Variants in IFT88 observed in about 807,000 individuals in gnomAD.
IFT88 encodes intraflagellar transport 88.
In IFT88, 74 loss-of-function variants were observed where a neutral mutation model predicts 119.5. The ratio of observed to expected loss-of-function variants is 0.62; its 90% CI spans 0.51 to 0.75. The LOEUF (loss-of-function observed/expected upper bound fraction) is 0.75, where lower values mean the gene tolerates loss of function less well. Among genes scored for constraint, IFT88 ranks in the 30% least tolerant of loss-of-function variants. The probability of loss-of-function intolerance (pLI) is 0.00; values close to 1 mark genes in which losing one functional copy is unlikely to be tolerated. For synonymous variants in IFT88, 279 were observed against 316.7 expected (o/e 0.88, Z 1.26); for missense variants, 961 against 977.7 (o/e 0.98, Z 0.23).
chr13:20,568,911 G>A (rs1386732927), intron 1 of IFT88, among the ~76,000 whole-genome samples: 3 of 151,836 alleles, frequency 2.0e-5, no homozygotes, highest in Non-Finnish European at 4.4e-5. Context: ...TAGTAGAGAC[G>A]GGGTTTCACC....
At chr13:20,607,697 C>T (rs1286619850) in intron 13 of IFT88, 14 of 797,734 alleles carry the variant, frequency 1.8e-5, no homozygotes, top group Non-Finnish European at 3.2e-5. Flanking sequence ...GACTACGTCT[C>T]ACAGTGGCCC....
intron 15 of IFT88, among the ~76,000 whole-genome samples, chr13:20,628,522 GTT>G (rs1311004830): frequency 1.3e-5 from 2 of 152,002 alleles, no homozygotes; most frequent in Admixed American, 1.3e-4. Context: ...ACTTTTATCA[GTT>G]CCATTTATAA....
intron 22 of IFT88, 47 bp downstream of exon 22, chr13:20,656,477 T>G: frequency 1.1e-6 from 1 of 870,646 alleles, no homozygotes; most frequent in Non-Finnish European, 1.8e-6. Context: ...AGTTCTCATA[T>G]TTTATGTTCT....
intron 19 of IFT88, among the ~76,000 whole-genome samples, chr13:20,644,366 T>C (rs2050419170): frequency 6.6e-6 from 1 of 152,086 alleles, no homozygotes; most frequent in Non-Finnish European, 1.5e-5. Context: ...CAAATGTGGT[T>C]GTGGCATGCC....
chr13:20,568,841 C>T (rs1456701656), intron 1 of IFT88, among the ~76,000 whole-genome samples: 1 of 152,128 alleles, frequency 6.6e-6, no homozygotes, highest in Non-Finnish European at 1.5e-5. Flanking sequence ...CTGCCTCAGC[C>T]TCCCGAGTAG....
At chr13:20,578,757 T>A (rs2037971848) in intron 2 of IFT88, among the ~76,000 whole-genome samples, 1 of 152,058 alleles carries the variant, frequency 6.6e-6, no homozygotes, top group South Asian at 2.1e-4. Flanking sequence ...CCATGTTGGT[T>A]CGGCTGGTCT....
chr13:20,571,954 ACT>A (rs1237851678), intron 1 of IFT88, among the ~76,000 whole-genome samples: 1 of 151,958 alleles, frequency 6.6e-6, no homozygotes, highest in African/African-American at 2.4e-5. Context: ...CAGCTTCTTG[ACT>A]CTGTTTTAGT....
chr13:20,674,265 G>A (rs1442234491), intron 24 of IFT88, among the ~76,000 whole-genome samples: 1 of 152,128 alleles, frequency 6.6e-6, no homozygotes, highest in Admixed American at 6.6e-5. Flanking sequence ...TATATTCTCT[G>A]CAGATAAACT....
chr13:20,570,928 CAT>C (rs2036229680), intron 1 of IFT88, among the ~76,000 whole-genome samples: 1 of 151,998 alleles, frequency 6.6e-6, no homozygotes, highest in Non-Finnish European at 1.5e-5. Flanking sequence ...TGAGAAGCCA[CAT>C]ATATGTGGTA....
rs1172455518 is a variant in IFT88 at position 20,599,510 on chromosome 13, A to G, written c.757A>G (p.Ile253Val). Residue 253 changes from isoleucine (I) to valine (V), a missense_variant, in exon 11 of 26, where the codon ATT (isoleucine) becomes GTT (valine). By Grantham distance (29) the Ile-to-Val change is conservative. Coordinates refer to ENST00000351808, the MANE Select transcript of IFT88 (RefSeq NM_006531.5). Reference protein sequence around the residue: ...YLKQRNYSKAIKFYRMALDQV... With the variant: ...YLKQRNYSKAVKFYRMALDQV... Reference sequence around the variant, plus strand: ...AAAGCAAAGAAATTATTCCAAAGCCATTAAATTCTACCGAATGGCATTAGA... The same window carrying G: ...AAAGCAAAGAAATTATTCCAAAGCCGTTAAATTCTACCGAATGGCATTAGA... 7.0e-6 allele frequency: 11 copies of G among 1,561,998 alleles called. No individual in the cohort carries two copies. Among genetic ancestry groups the G allele is most frequent in the African/African-American group, 1.4e-5 (1 of 73,676 alleles).
At chr13:20,673,148 A>G (rs968818375) in intron 24 of IFT88, among the ~76,000 whole-genome samples, 1 of 152,166 alleles carries the variant, frequency 6.6e-6, no homozygotes, top group African/African-American at 2.4e-5. Flanking sequence ...AGGATTCTGC[A>G]TTTCTCTCTG....
chr13:20,675,445 G>A (rs2056542503), intron 24 of IFT88, among the ~76,000 whole-genome samples: 1 of 152,174 alleles, frequency 6.6e-6, no homozygotes, highest in African/African-American at 2.4e-5. Context: ...TTAGAAGATA[G>A]TGAACAGCAC....
chr13:20,638,067 G>A (rs748371318), intron 16 of IFT88, among the ~76,000 whole-genome samples: 5 of 152,158 alleles, frequency 3.3e-5, no homozygotes, highest in Admixed American at 6.5e-5. Flanking sequence ...CAATTTGGGC[G>A]TTGAGTATGG....
At chr13:20,574,528 T>C (rs183527107) in intron 2 of IFT88, 53 bp downstream of exon 2, 2 of 939,462 alleles carry the variant, frequency 2.1e-6, no homozygotes, top group Non-Finnish European at 3.4e-6. Context: ...AGCTGGTTTA[T>C]GAAGACTGTG....
At chr13:20,607,370 A>G in intron 13 of IFT88, 1 of 580,246 alleles carries the variant, frequency 1.7e-6, no homozygotes, top group Non-Finnish European at 3.4e-6. Flanking sequence ...TGCACACACC[A>G]TTAAGGCCAC....
Position 20,596,180 on chromosome 13 carries a change from G to C in IFT88, c.429G>C (p.Lys143Asn). ...AGGAAAAAATAAAGCAATTAGAGAA[G>C]GAAGTAAATGAGTTGGTAGAAGAAA... is the stretch of plus-strand genomic sequence containing the variant. ...SPEEKIKQLEKEVNELVEESC... is the reference protein window; with the variant it reads ...SPEEKIKQLENEVNELVEESC... The change falls in exon 8 of 26, where the codon AAG becomes AAC. Residue 143 changes from lysine to asparagine, a missense_variant. Physicochemically the swap from Lys to Asn is moderately conservative, Grantham distance 94. Coordinates refer to ENST00000351808, the MANE Select transcript of IFT88 (RefSeq NM_006531.5). The C allele has an allele frequency of 6.4e-7, 1 of 1,551,718 alleles. No individual in the cohort carries two copies. The highest frequency in any genetic ancestry group is 8.8e-7 in the Non-Finnish European group (1 of 1,141,444).
At chr13:20,639,852 G>A (rs1200591442) in intron 17 of IFT88, among the ~76,000 whole-genome samples, 2 of 132,632 alleles carry the variant, frequency 1.5e-5, no homozygotes. Flanking sequence ...GCAGTGGCAT[G>A]ATCTCAGCTC....
intron 1 of IFT88, among the ~76,000 whole-genome samples, chr13:20,572,547 C>G (rs773973310): frequency 6.6e-6 from 1 of 152,094 alleles, no homozygotes; most frequent in South Asian, 2.1e-4. Context: ...GTATTTTAAG[C>G]TAAATTACAG....
intron 11 of IFT88, among the ~76,000 whole-genome samples, chr13:20,599,779 A>G (rs146483574): frequency 3.3e-5 from 5 of 152,272 alleles, no homozygotes; most frequent in Non-Finnish European, 7.4e-5. Context: ...ATCATATGAA[A>G]TAAAACTAAG....
Sources: allele counts gnomAD v4.1 joint callset (sites outside exome capture counted in the v4.1 genomes callset), GRCh38; gene constraint gnomAD v4.1.1; transcripts MANE v1.5; gene names NCBI Gene and HGNC (gene_info 2026-07-23, HGNC 2026-07-21).